MYH15: variants seen among roughly 807,000 people sequenced by gnomAD.
MYH15 encodes the protein myosin-15.
MYH15 carries 227 observed loss-of-function variants against 240.5 expected under a neutral mutation model. The observed-to-expected ratio is 0.94, with a 90% CI of 0.85 to 1.05. MYH15 has a LOEUF of 1.05. Among genes scored for constraint, MYH15 ranks in the 50% least tolerant of loss-of-function variants. The pLI is 0.00. For synonymous variants in MYH15, 785 were observed against 796.7 expected, an observed-to-expected ratio of 0.99 and a Z score of 0.25; for missense variants, 2,217 against 2,247.5, an observed-to-expected ratio of 0.99 and a Z score of 0.27.
chr3:108,545,694 T>TACAC, the MYH15 span, among the ~76,000 whole-genome samples: 380 of 149,158 alleles, frequency 2.5e-3, no homozygotes, highest in African/African-American at 8.2e-3. Context: ...AATATACACA[T>TACAC]ACACACACAC....
At chr3:108,432,353 C>A (rs2082785637) in intron 25 of MYH15, among the ~76,000 whole-genome samples, 1 of 152,066 alleles carries the variant, frequency 6.6e-6, no homozygotes, top group African/African-American at 2.4e-5. Context: ...CCACTGCACC[C>A]TGCCTGCATT....
chr3:108,383,933 C>T (rs1203290526), intron 39 of MYH15, among the ~76,000 whole-genome samples: 2 of 151,952 alleles, frequency 1.3e-5, no homozygotes, highest in African/African-American at 2.4e-5. Flanking sequence ...AACTTTTGTT[C>T]CTTGGAAATT....
chr3:108,404,509 C>G (rs149543541), intron 33 of MYH15, among the ~76,000 whole-genome samples: 43 of 152,218 alleles, frequency 2.8e-4, no homozygotes, highest in African/African-American at 1.0e-3. Flanking sequence ...AGTGCTTTGC[C>G]AACATCAGCC....
At chr3:108,531,799 A>AATAAATAAATAC (rs1553690580), upstream of MYH15, among the ~76,000 whole-genome samples, 8 of 134,064 alleles carry the variant, frequency 6.0e-5, no homozygotes, top group East Asian at 3.9e-4. Flanking sequence ...TAAATAAATA[A>AATAAATAAATAC]ATAAATACAT....
chr3:108,401,758 C>G (rs890297096), intron 33 of MYH15, among the ~76,000 whole-genome samples: 2 of 152,178 alleles, frequency 1.3e-5, no homozygotes, highest in Non-Finnish European at 2.9e-5. Flanking sequence ...TGAGTGCCTG[C>G]AGACAAGTAA....
At chr3:108,500,579 C>T (rs1469136339) in intron 3 of MYH15, among the ~76,000 whole-genome samples, 1 of 152,110 alleles carries the variant, frequency 6.6e-6, no homozygotes, top group Non-Finnish European at 1.5e-5. Flanking sequence ...AGTAACCAGC[C>T]ATCAGGCATT....
the MYH15 span, among the ~76,000 whole-genome samples, chr3:108,549,570 CT>C: frequency 6.6e-6 from 1 of 151,900 alleles, no homozygotes; most frequent in African/African-American, 2.4e-5. Context: ...TAAACACATA[CT>C]TGTGAGAATG....
In MYH15 at chr3:108,389,018, C is replaced by A; in HGVS notation, c.5487G>T (p.Gln1829His). ...ATCGCTCAAGTCTGCGGGCTCCCCT[C>A]TGGGCCTCTGCACTGCGACGGATTT... ...EGEIRRSAEA[Q>H]RGARRLERCI... is the part of the protein sequence containing the mutation. Residue 1829 changes from glutamine (Q) to histidine (H), a missense_variant, in exon 38 of 41, where the codon CAG becomes CAT. Transcript: ENST00000693548. The A allele has an allele frequency of 6.2e-7, 1 of 1,613,898 alleles. No individual in the cohort carries two copies.
At chr3:108,539,660 A>T in the MYH15 span, among the ~76,000 whole-genome samples, 2 of 152,210 alleles carry the variant, frequency 1.3e-5, no homozygotes, top group African/African-American at 4.8e-5. Flanking sequence ...AAAGCTTATC[A>T]GTATACTTAT....
intron 21 of MYH15, among the ~76,000 whole-genome samples, chr3:108,446,185 C>A (rs988753766): frequency 6.6e-6 from 1 of 152,170 alleles, no homozygotes; most frequent in Non-Finnish European, 1.5e-5. Flanking sequence ...TAGATCCTAA[C>A]CACAGACTGA....
chr3:108,527,143 C>T (rs2083679072), intron 1 of MYH15, among the ~76,000 whole-genome samples: 1 of 152,082 alleles, frequency 6.6e-6, no homozygotes, highest in African/African-American at 2.4e-5. Flanking sequence ...TGAGAAGTTG[C>T]ATTTGAACAA....
At chr3:108,453,842 C>T (rs1235495615) in intron 21 of MYH15, among the ~76,000 whole-genome samples, 164 bp downstream of exon 21, 1 of 152,030 alleles carries the variant, frequency 6.6e-6, no homozygotes, top group Non-Finnish European at 1.5e-5. Context: ...CAATAAAAGC[C>T]CTTTGCACTC....
chr3:108,507,276 T>TAC lies in MYH15; in HGVS notation c.89-1449_89-1448dup, dbSNP rs759063230. Among the ~76,000 whole-genome samples, 86 of 97,990 alleles carry TAC rather than the reference T, an allele frequency of 8.8e-4. 2 individuals are homozygous for TAC. Among genetic ancestry groups the TAC allele is most frequent in the African/African-American group, 2.5e-3 (69 of 27,776 alleles). The allele number at this position is 97,990 out of a possible 152,430, so 64.3% of individuals were successfully genotyped here. On this transcript the variant is annotated intron_variant, in intron 1 of 40. Coordinates refer to ENST00000693548, the MANE Select transcript of MYH15 (RefSeq NM_014981.3). ...ATATATATATATATATATATATATA[T>TAC]ACACATATGAAAATGAGCCTTAGTA...
At chr3:108,481,588 A>G (rs1025062205) in intron 11 of MYH15, among the ~76,000 whole-genome samples, 9 of 152,208 alleles carry the variant, frequency 5.9e-5, no homozygotes, top group African/African-American at 2.2e-4. Context: ...ACATGAGGAC[A>G]GGAGAAAAGT....
At chr3:108,523,582 G>C (rs1189849284) in intron 1 of MYH15, among the ~76,000 whole-genome samples, 3 of 151,626 alleles carry the variant, frequency 2.0e-5, no homozygotes, top group Non-Finnish European at 4.4e-5. Context: ...ATAAAGCTTG[G>C]GGTTTTTTTG....
intron 13 of MYH15, 91 bp from the exon 14 acceptor site, chr3:108,470,303 T>C: frequency 1.1e-6 from 1 of 902,680 alleles, no homozygotes; most frequent in South Asian, 1.9e-5. Flanking sequence ...ACCATAACCA[T>C]TATTATATGA....
chr3:108,415,699 G>T (rs2082627842), intron 29 of MYH15, among the ~76,000 whole-genome samples: 1 of 152,134 alleles, frequency 6.6e-6, no homozygotes, highest in Admixed American at 6.5e-5. Context: ...CTTCGGTGAA[G>T]GGCCTTTAAG....
chr3:108,542,530 T>G, the MYH15 span, among the ~76,000 whole-genome samples: 3 of 152,330 alleles, frequency 2.0e-5, no homozygotes, highest in Admixed American at 6.5e-5. Flanking sequence ...CCTCCATGTC[T>G]TCATAGCTCA....
intron 9 of MYH15, among the ~76,000 whole-genome samples, chr3:108,488,574 C>T (rs756650304): frequency 6.6e-6 from 1 of 152,204 alleles, no homozygotes; most frequent in Non-Finnish European, 1.5e-5. Context: ...TCCCAAAGTG[C>T]TGGGATTACA....
Sources: gnomAD v4.1 joint callset for allele counts (sites outside exome capture counted in the v4.1 genomes callset) on GRCh38, gnomAD v4.1.1 for gene constraint, MANE v1.5 for transcripts, NCBI Gene and HGNC (gene_info 2026-07-23, HGNC 2026-07-21) for gene names.